DPH6: variants seen among roughly 807,000 people sequenced by gnomAD.
DPH6 encodes diphthine--ammonia ligase.
Under a neutral mutation model 38.2 loss-of-function variants are expected in DPH6, and 33 were observed. The observed-to-expected ratio is 0.86, with a 90% CI of 0.65 to 1.15. DPH6 has a LOEUF of 1.15. Among genes scored for constraint, DPH6 ranks in the 50% most tolerant of loss-of-function variants. DPH6 has a pLI of 0.00. For synonymous variants in DPH6, 108 were observed against 103.0 expected (o/e 1.05, Z -0.30); for missense variants, 325 against 320.0 (o/e 1.02, Z -0.12).
At chr15:35,227,465 G>C (rs1341178193) in intron 3 of DPH6, among the ~76,000 whole-genome samples, 1 of 151,844 alleles carries the variant, frequency 6.6e-6, no homozygotes, top group African/African-American at 2.4e-5. Flanking sequence ...TTACAGGTGT[G>C]AGCCACCGTG....
chr15:35,275,490 G>C (rs1391246691), intron 3 of DPH6, among the ~76,000 whole-genome samples: 2 of 152,098 alleles, frequency 1.3e-5, no homozygotes, highest in Non-Finnish European at 2.9e-5. Context: ...ACATAAGTGG[G>C]AGCTGAGCAA....
chr15:35,463,845 A>T (rs751806931), intron 3 of DPH6, among the ~76,000 whole-genome samples: 2 of 152,190 alleles, frequency 1.3e-5, no homozygotes, highest in African/African-American at 2.4e-5. Context: ...GTCAGACACA[A>T]TCATTCATAT....
intron 3 of DPH6, chr15:35,238,111 T>TA (rs901504888): frequency 3.7e-6 from 5 of 1,356,784 alleles, no homozygotes; most frequent in African/African-American, 2.9e-5. Context: ...TGACTGTTTT[T>TA]ACCCATATCC....
At chr15:35,474,911 A>T (rs2054246096) in intron 3 of DPH6, among the ~76,000 whole-genome samples, 1 of 152,072 alleles carries the variant, frequency 6.6e-6, no homozygotes, top group African/African-American at 2.4e-5. Flanking sequence ...AAAAGTCATT[A>T]ATTAAAGAAA....
chr15:35,544,245 A>T (rs2055308394), intron 1 of DPH6, among the ~76,000 whole-genome samples: 1 of 152,158 alleles, frequency 6.6e-6, no homozygotes, highest in Non-Finnish European at 1.5e-5. Flanking sequence ...AATCCTCAAA[A>T]TAACATTCAA....
chr15:35,234,457 G>A (rs1030860953), intron 3 of DPH6, among the ~76,000 whole-genome samples: 1 of 152,168 alleles, frequency 6.6e-6, no homozygotes, highest in African/African-American at 2.4e-5. Context: ...ACATTACCAT[G>A]TCTACAGCTT....
chr15:35,182,220 ATTTTTTTTTTTTTTTTT>A, the DPH6 span, among the ~76,000 whole-genome samples: 42 of 86,042 alleles, frequency 4.9e-4, no homozygotes, highest in African/African-American at 1.3e-3. Flanking sequence ...AACTCTAAGA[ATTTTTTTTTTTTTTTTT>A]TTTTTTTTTT....
intron 7 of DPH6, among the ~76,000 whole-genome samples, chr15:35,380,687 T>C (rs779333179): frequency 5.7e-4 from 87 of 152,220 alleles, no homozygotes; most frequent in African/African-American, 2.0e-3. Flanking sequence ...TTATCAATAG[T>C]TGACTCATTA....
At chr15:35,239,039 C>T (rs1595441330) in intron 3 of DPH6, among the ~76,000 whole-genome samples, 1 of 144,814 alleles carries the variant, frequency 6.9e-6, no homozygotes, top group South Asian at 2.3e-4. Context: ...GTTTGGTGGT[C>T]TCTTCACACG....
At chr15:35,178,478 A>C in the DPH6 span, among the ~76,000 whole-genome samples, 1 of 152,180 alleles carries the variant, frequency 6.6e-6, no homozygotes, top group Non-Finnish European at 1.5e-5. Flanking sequence ...TCACTGTCAC[A>C]AGAACAGCAT....
chr15:35,180,026 C>T, the DPH6 span, among the ~76,000 whole-genome samples: 1 of 152,044 alleles, frequency 6.6e-6, no homozygotes, highest in Non-Finnish European at 1.5e-5. Context: ...GGGCAAAAAG[C>T]AAGGCTCTCT....
At chr15:35,237,936 AG>A in intron 3 of DPH6, 1 of 1,397,980 alleles carries the variant, frequency 7.2e-7, no homozygotes, top group Non-Finnish European at 1.0e-6. Context: ...GGAGAGGAGG[AG>A]GAGGATGAAA....
downstream of DPH6, among the ~76,000 whole-genome samples, chr15:35,213,669 C>T (rs1403875572): frequency 6.6e-6 from 1 of 152,190 alleles, no homozygotes; most frequent in Non-Finnish European, 1.5e-5. Flanking sequence ...CTTGGCCTTG[C>T]TTCCCCAAAG....
downstream of DPH6, among the ~76,000 whole-genome samples, chr15:35,216,654 A>G (rs1369328678): frequency 6.6e-6 from 1 of 152,232 alleles, no homozygotes; most frequent in Non-Finnish European, 1.5e-5. Flanking sequence ...AAGTGCCTAT[A>G]TGTGCTGAGC....
At chr15:35,484,972 T>C (rs1048248062) in intron 3 of DPH6, among the ~76,000 whole-genome samples, 1 of 152,134 alleles carries the variant, frequency 6.6e-6, no homozygotes, top group Admixed American at 6.5e-5. Flanking sequence ...TTTTAGAAAG[T>C]AGCAAAATAA....
At chr15:35,411,595 T>C (rs1318671524) in intron 5 of DPH6, among the ~76,000 whole-genome samples, 1 of 151,592 alleles carries the variant, frequency 6.6e-6, no homozygotes, top group Non-Finnish European at 1.5e-5. Context: ...GTGTGAGCAA[T>C]ATGAATGCTT....
At chr15:35,350,028 T>C (rs8030361) in intron 3 of DPH6, among the ~76,000 whole-genome samples, 4,495 of 152,278 alleles carry the variant, frequency 0.03, 222 homozygotes, top group African/African-American at 0.1. Context: ...AGGATTTTTG[T>C]TAGTTCTTTA....
intron 3 of DPH6, among the ~76,000 whole-genome samples, chr15:35,275,937 G>T (rs1182252374): frequency 6.6e-6 from 1 of 152,072 alleles, no homozygotes; most frequent in Non-Finnish European, 1.5e-5. Context: ...TTTGAATAAT[G>T]GCTTCTTTTC....
the DPH6 span, among the ~76,000 whole-genome samples, chr15:35,185,314 C>A: frequency 2.0e-5 from 3 of 152,110 alleles, no homozygotes; most frequent in African/African-American, 7.2e-5. Context: ...CATCAAAACA[C>A]AATTTTGCTA....
Sources: gnomAD v4.1 joint callset for allele counts (sites outside exome capture counted in the v4.1 genomes callset) on GRCh38, gnomAD v4.1.1 for gene constraint, MANE v1.5 for transcripts, NCBI Gene and HGNC (gene_info 2026-07-23, HGNC 2026-07-21) for gene names.